GPD2: variants seen among roughly 807,000 people sequenced by gnomAD.
GPD2 encodes glycerol-3-phosphate dehydrogenase, mitochondrial.
In GPD2, 54 loss-of-function variants were observed where a neutral mutation model predicts 82.4. The observed-to-expected ratio is 0.66, with a 90% CI of 0.53 to 0.82. The LOEUF (loss-of-function observed/expected upper bound fraction) is 0.82. Among genes scored for constraint, GPD2 ranks in the 40% least tolerant of loss-of-function variants. The probability of loss-of-function intolerance (pLI) is 0.00; values close to 1 mark genes in which losing one functional copy is unlikely to be tolerated. For missense variants in GPD2, 748 were observed against 896.2 expected, an observed-to-expected ratio of 0.83 and a Z score of 2.11; for synonymous variants, 288 against 306.1, an observed-to-expected ratio of 0.94 and a Z score of 0.62.
chr2:156,500,720 G>T (rs543125491), intron 3 of GPD2, among the ~76,000 whole-genome samples: 1 of 152,178 alleles, frequency 6.6e-6, no homozygotes. Context: ...TTTTAGTAAT[G>T]GATAAACAAA....
chr2:156,567,276 A>G (rs978645318), intron 9 of GPD2, among the ~76,000 whole-genome samples: 1 of 152,020 alleles, frequency 6.6e-6, no homozygotes, highest in Non-Finnish European at 1.5e-5. Flanking sequence ...CTATTGACAA[A>G]TCTAGTGTCA....
intron 8 of GPD2, among the ~76,000 whole-genome samples, chr2:156,552,061 C>G (rs901781723): frequency 6.6e-6 from 1 of 152,098 alleles, no homozygotes; most frequent in African/African-American, 2.4e-5. Context: ...GTTGGTTGTC[C>G]GGTAACTAAA....
rs1216710030 is a variant in GPD2, at chr2:156,577,600, C to G, written c.1768-1289C>G. ...AGTGTATGTGTCATTGCTTCATTTT[C>G]TTCATTTCACTTCACACTGGCACTG... On this transcript the variant is annotated intron_variant, in intron 13 of 16. Transcript: ENST00000438166. 5.3e-5 allele frequency among the ~76,000 whole-genome samples: 8 copies of G among 152,138 alleles called. No individual in the cohort carries two copies. The East Asian group carries it at 7.7e-4, about 15-fold the overall frequency.
At chr2:156,467,723 GCAA>G (rs755993882) in intron 1 of GPD2, among the ~76,000 whole-genome samples, 2 of 152,282 alleles carry the variant, frequency 1.3e-5, no homozygotes, top group Non-Finnish European at 1.5e-5. Context: ...CTTTTTAAAA[GCAA>G]CAACAACAAA....
At chr2:156,406,133 A>G in the GPD2 span, among the ~76,000 whole-genome samples, 1 of 152,094 alleles carries the variant, frequency 6.6e-6, no homozygotes, top group African/African-American at 2.4e-5. Context: ...CCCTAGGGAA[A>G]CGGTGGAGCC....
chr2:156,538,820 C>CAAAAA (rs34693625), intron 6 of GPD2, among the ~76,000 whole-genome samples: 2 of 109,884 alleles, frequency 1.8e-5, no homozygotes, highest in African/African-American at 3.6e-5. Context: ...GACTGCATCT[C>CAAAAA]AAAAAAAAAA....
chr2:156,509,784 T>TTTTTTTTTTG (rs1553471067), intron 3 of GPD2, among the ~76,000 whole-genome samples: 1 of 146,788 alleles, frequency 6.8e-6, no homozygotes, highest in South Asian at 2.1e-4. Context: ...TTTTTTTTTT[T>TTTTTTTTTTG]ATTTCCTGAG....
chr2:156,511,606 G>C (rs923214755), intron 4 of GPD2, among the ~76,000 whole-genome samples: 1 of 152,104 alleles, frequency 6.6e-6, no homozygotes, highest in Non-Finnish European at 1.5e-5. Context: ...TCATGATGGA[G>C]GCAAAGAAAA....
chr2:156,468,242 T>C (rs1399878573), intron 1 of GPD2, among the ~76,000 whole-genome samples: 1 of 152,222 alleles, frequency 6.6e-6, no homozygotes. Flanking sequence ...TTGAGCTCAC[T>C]CCTTCTTCTG....
intron 6 of GPD2, among the ~76,000 whole-genome samples, chr2:156,542,720 CT>C (rs1686368685): frequency 6.6e-6 from 1 of 152,128 alleles, no homozygotes; most frequent in African/African-American, 2.4e-5. Context: ...TGTAAGTGGT[CT>C]TTCTGTTAGA....
chr2:156,481,998 T>C (rs1683750397), intron 2 of GPD2, among the ~76,000 whole-genome samples: 1 of 152,164 alleles, frequency 6.6e-6, no homozygotes, highest in African/African-American at 2.4e-5. Context: ...ATAACAGTGG[T>C]ACTTCCTGCA....
chr2:156,525,141 G>A (rs2105294770), intron 6 of GPD2, among the ~76,000 whole-genome samples: 1 of 152,262 alleles, frequency 6.6e-6, no homozygotes, highest in Non-Finnish European at 1.5e-5. Context: ...TCCTCCAAAT[G>A]TAATGAGATC....
chr2:156,568,787 G>A (rs529770132), intron 9 of GPD2, 38 bp from the exon 10 acceptor site: 1 of 1,582,798 alleles, frequency 6.3e-7, no homozygotes, highest in African/African-American at 1.3e-5. Context: ...AAATATTTTT[G>A]AGCAATGTTC....
chr2:156,416,205 A>G, the GPD2 span, among the ~76,000 whole-genome samples: 28 of 151,768 alleles, frequency 1.8e-4, no homozygotes, highest in Admixed American at 1.3e-3. Flanking sequence ...CCACAGTCTC[A>G]TTGGTTGACA....
chr2:156,455,333 T>C (rs1451452291), intron 1 of GPD2, among the ~76,000 whole-genome samples: 2 of 152,224 alleles, frequency 1.3e-5, no homozygotes, highest in East Asian at 3.8e-4. Flanking sequence ...ACTAGGAATG[T>C]TATGAAGATG....
chr2:156,531,727 C>T (rs1289253412), intron 6 of GPD2, among the ~76,000 whole-genome samples: 1 of 152,178 alleles, frequency 6.6e-6, no homozygotes, highest in East Asian at 1.9e-4. Context: ...CACTGCCCTT[C>T]TCAGTCCCAG....
intron 2 of GPD2, among the ~76,000 whole-genome samples, chr2:156,491,054 A>G (rs1403803804): frequency 6.6e-6 from 1 of 152,188 alleles, no homozygotes; most frequent in South Asian, 2.1e-4. Context: ...CAAGCTGTAG[A>G]ACATTCCTAT....
intron 6 of GPD2, among the ~76,000 whole-genome samples, chr2:156,525,519 T>A (rs1224733556): frequency 2.0e-5 from 3 of 152,122 alleles, no homozygotes; most frequent in South Asian, 2.1e-4. Flanking sequence ...ATAGAAAAAA[T>A]TAGGAAAAAA....
chr2:156,531,823 A>G (rs776873391), intron 6 of GPD2, among the ~76,000 whole-genome samples: 2 of 152,094 alleles, frequency 1.3e-5, no homozygotes, highest in Non-Finnish European at 2.9e-5. Flanking sequence ...TCTCCATAGG[A>G]CAAATGGAGG....
Sources: gnomAD v4.1 joint callset for allele counts (sites outside exome capture counted in the v4.1 genomes callset) on GRCh38, gnomAD v4.1.1 for gene constraint, MANE v1.5 for transcripts, NCBI Gene and HGNC (gene_info 2026-07-23, HGNC 2026-07-21) for gene names.